Variants in MELK observed in about 807,000 individuals in gnomAD.
MELK encodes the protein maternal embryonic leucine zipper kinase.
MELK carries 81 observed loss-of-function variants against 85.0 expected under a neutral mutation model. The ratio of observed to expected loss-of-function variants is 0.95; its 90% CI spans 0.80 to 1.15. The LOEUF (loss-of-function observed/expected upper bound fraction) is 1.15, where lower values mean the gene tolerates loss of function less well. MELK is among the 50% of genes most tolerant of loss of function. The pLI is 0.00. For synonymous variants in MELK, 252 were observed against 265.0 expected (o/e 0.95, Z 0.48); for missense variants, 754 against 777.5 (o/e 0.97, Z 0.36).
chr9:36,608,615 C>T (rs1398479046), intron 8 of MELK, among the ~76,000 whole-genome samples: 2 of 150,854 alleles, frequency 1.3e-5, no homozygotes, highest in Non-Finnish European at 2.9e-5. Context: ...GAGTTTTGCT[C>T]TTGTTGCCCA....
In MELK at chr9:36,643,040, A is replaced by G; in HGVS notation, c.878A>G (p.His293Arg). The G allele has an allele frequency of 6.2e-7, 1 of 1,613,408 alleles. No individual in the cohort carries two copies. Among genetic ancestry groups the G allele is most frequent in the Non-Finnish European group, 8.5e-7 (1 of 1,179,762 alleles). ...GATTGCGTAACAGAACTTTCTGTAC[A>G]TCACAGAAACAACAGGCAAACAATG... is the stretch of plus-strand genomic sequence containing the variant. ...DDDCVTELSV[H>R]HRNNRQTMED... The change falls in exon 11 of 18, where the codon CAT (histidine) becomes CGT (arginine). Residue 293 changes from histidine to arginine, a missense_variant. Coordinates refer to ENST00000298048, the MANE Select transcript of MELK (RefSeq NM_014791.4).
chr9:36,634,794 C>T (rs1011702699), intron 10 of MELK, among the ~76,000 whole-genome samples: 4 of 151,848 alleles, frequency 2.6e-5, no homozygotes, highest in East Asian at 1.9e-4. Flanking sequence ...GTCAGGAGTT[C>T]GAGACCAGCC....
chr9:36,602,439 G>T (rs1015048842), intron 7 of MELK, among the ~76,000 whole-genome samples: 1 of 134,032 alleles, frequency 7.5e-6, no homozygotes, highest in Non-Finnish European at 1.5e-5. Context: ...GTAGTGAGCC[G>T]AGATTGTATC....
chr9:36,607,869 G>C (rs1191501998), intron 8 of MELK, among the ~76,000 whole-genome samples, 196 bp downstream of exon 8: 1 of 152,174 alleles, frequency 6.6e-6, no homozygotes, highest in Non-Finnish European at 1.5e-5. Context: ...GGCTACACTT[G>C]TATACAGTAG....
intron 14 of MELK, among the ~76,000 whole-genome samples, chr9:36,669,042 T>C (rs1039900926): frequency 2.0e-5 from 3 of 152,220 alleles, no homozygotes; most frequent in Non-Finnish European, 4.4e-5. Context: ...TATCATATGA[T>C]GTTTATAATA....
At chr9:36,598,819 A>C (rs1222996860) in intron 6 of MELK, among the ~76,000 whole-genome samples, 1 of 152,122 alleles carries the variant, frequency 6.6e-6, no homozygotes. Flanking sequence ...GGAAGTATGA[A>C]CCTGATTTGA....
chr9:36,573,871 A>G (rs1821360487), intron 1 of MELK, among the ~76,000 whole-genome samples: 1 of 152,128 alleles, frequency 6.6e-6, no homozygotes, highest in African/African-American at 2.4e-5. Context: ...TCCCACCAAG[A>G]AACCTGGTGT....
intron 8 of MELK, among the ~76,000 whole-genome samples, chr9:36,627,380 T>C (rs1828043298): frequency 6.6e-6 from 1 of 152,208 alleles, no homozygotes; most frequent in Admixed American, 6.5e-5. Context: ...GCCTCTCTGA[T>C]GAGAGTAGAT....
intron 1 of MELK, 126 bp from the exon 2 acceptor site, chr9:36,581,518 T>C: frequency 3.8e-6 from 2 of 531,878 alleles, no homozygotes; most frequent in East Asian, 6.5e-5. Context: ...TTTTTTCATA[T>C]GGCCAATAAT....
intron 1 of MELK, among the ~76,000 whole-genome samples, chr9:36,581,198 G>T (rs57526429): frequency 0.038 from 5,772 of 151,656 alleles, 308 homozygotes; most frequent in African/African-American, 0.11. Context: ...GAAGTGCTTA[G>T]TTTTATTTTT....
At position 36,677,290 on chromosome 9, in the gene MELK, G is replaced by T. The variant is rs1833429804; in HGVS notation, c.1909G>T (p.Val637Phe). The stretch of plus-strand genomic sequence containing the variant: ...GCAGCGGCTTAAGGGCGATGCCTGG[G>T]TTTACAAAAGATTAGTGGAAGACAT... ...RRQRLKGDAWVYKRLVEDILS... is the reference protein window; with the variant it reads ...RRQRLKGDAWFYKRLVEDILS... Residue 637 changes from valine (V) to phenylalanine (F), a missense_variant, in exon 18 of 18, where the codon GTT (valine) becomes TTT (phenylalanine). Val to Phe is a conservative substitution (Grantham distance 50). Transcript: ENST00000298048. The T allele has an allele frequency of 6.2e-7, 1 of 1,613,954 alleles. No homozygotes were observed. Among genetic ancestry groups the T allele is most frequent in the Non-Finnish European group, 8.5e-7 (1 of 1,179,924 alleles).
chr9:36,645,074 A>G (rs1830105366), intron 11 of MELK, among the ~76,000 whole-genome samples: 3 of 151,968 alleles, frequency 2.0e-5, no homozygotes, highest in Admixed American at 1.3e-4. Flanking sequence ...TGAGGCCAAC[A>G]TGGTGAAACC....
At chr9:36,588,101 T>C (rs1823129523) in intron 3 of MELK, among the ~76,000 whole-genome samples, 1 of 151,758 alleles carries the variant, frequency 6.6e-6, no homozygotes, top group Non-Finnish European at 1.5e-5. Flanking sequence ...AGTTTTGCTC[T>C]TGTTTCCCAG....
At chr9:36,674,288 G>A (rs1311976415) in intron 16 of MELK, among the ~76,000 whole-genome samples, 4 of 152,084 alleles carry the variant, frequency 2.6e-5, no homozygotes, top group Non-Finnish European at 5.9e-5. Context: ...CAGTCAATGA[G>A]AAAAAATAAT....
At chr9:36,654,349 CTTTTTTTT>C (rs34436735) in intron 12 of MELK, among the ~76,000 whole-genome samples, 12 of 84,150 alleles carry the variant, frequency 1.4e-4, no homozygotes, top group African/African-American at 4.9e-4. Flanking sequence ...ATTGGATTGT[CTTTTTTTT>C]TTTTTTTTTT....
chr9:36,579,873 A>G lies in MELK; in HGVS notation c.-38-1771A>G, dbSNP rs568490762. 2.7e-4 allele frequency among the ~76,000 whole-genome samples: 41 copies of G among 152,248 alleles called. No individual in the cohort carries two copies. In the South Asian group the frequency reaches 8.3e-3, roughly 31 times the overall value. ...ATAAGATCTACCTAATTTTTTTTACAACTAATTTTTATTTATTATTTGATG... is the reference window on the plus strand; with the variant it reads ...ATAAGATCTACCTAATTTTTTTTACGACTAATTTTTATTTATTATTTGATG... On this transcript the variant is annotated intron_variant, in intron 1 of 17. Coordinates refer to ENST00000298048, the MANE Select transcript of MELK (RefSeq NM_014791.4).
chr9:36,665,853 C>A (rs1421091909), intron 14 of MELK, among the ~76,000 whole-genome samples: 1 of 152,190 alleles, frequency 6.6e-6, no homozygotes, highest in East Asian at 1.9e-4. Flanking sequence ...CAAGTTAGAG[C>A]TCATTTAATC....
At chr9:36,633,316 T>A (rs1828828347) in intron 10 of MELK, 116 bp downstream of exon 10, 1 of 705,838 alleles carries the variant, frequency 1.4e-6, no homozygotes, top group East Asian at 2.9e-5. Context: ...ATCAGATTGG[T>A]GTTTGGGAGA....
chr9:36,649,802 C>G (rs1018802994), intron 11 of MELK, among the ~76,000 whole-genome samples: 24 of 151,886 alleles, frequency 1.6e-4, no homozygotes, highest in Non-Finnish European at 2.8e-4. Flanking sequence ...AAGAAATATT[C>G]CAGGCCGGGC....
Sources: allele counts gnomAD v4.1 joint callset (sites outside exome capture counted in the v4.1 genomes callset), GRCh38; gene constraint gnomAD v4.1.1; transcripts MANE v1.5; gene names NCBI Gene and HGNC (gene_info 2026-07-23, HGNC 2026-07-21).